Variants in KIF20B observed in about 807,000 individuals in gnomAD.
The protein encoded by KIF20B is kinesin family member 20B, also known as kinesin-like protein KIF20B.
In KIF20B, 188 loss-of-function variants were observed where a neutral mutation model predicts 232.5. The observed-to-expected ratio is 0.81, with a 90% CI of 0.72 to 0.91. KIF20B has a LOEUF of 0.91. Ranked by LOEUF, KIF20B falls within the 40% of genes least tolerant of loss-of-function variation. KIF20B has a pLI of 0.00. For missense variants in KIF20B, 2,154 were observed against 2,055.9 expected (o/e 1.05, Z -0.92); for synonymous variants, 712 against 683.0 (o/e 1.04, Z -0.66).
chr10:89,715,806 C>A (rs1323973234), intron 8 of KIF20B, among the ~76,000 whole-genome samples: 2 of 151,910 alleles, frequency 1.3e-5, no homozygotes, highest in Non-Finnish European at 2.9e-5. Flanking sequence ...GCTTGGTCAA[C>A]ATGGCAAAAC....
chr10:89,703,222 C>G (rs75648291), intron 1 of KIF20B, among the ~76,000 whole-genome samples: 32 of 152,102 alleles, frequency 2.1e-4, no homozygotes, highest in African/African-American at 7.0e-4. Context: ...GATGCTCCCC[C>G]CTCTGCACCC....
intron 28 of KIF20B, 147 bp from the exon 29 acceptor site, chr10:89,762,491 T>C: frequency 3.3e-6 from 2 of 611,624 alleles, no homozygotes; most frequent in Admixed American, 3.0e-5. Context: ...AGATGATTGC[T>C]CAATCTTTCT....
intron 2 of KIF20B, among the ~76,000 whole-genome samples, chr10:89,708,565 ATT>A (rs5786881): frequency 6.7e-6 from 1 of 149,214 alleles, no homozygotes. Flanking sequence ...TAGGGCCTGA[ATT>A]TTTTTTTTTG....
At chr10:89,726,678 G>A (rs867159850) in intron 16 of KIF20B, among the ~76,000 whole-genome samples, 157 bp downstream of exon 16, 6 of 152,082 alleles carry the variant, frequency 3.9e-5, no homozygotes, top group African/African-American at 1.4e-4. Context: ...GTATGACTTT[G>A]TAGTAATTTA....
rs568458292 is a variant in KIF20B at position 89,771,682 on chromosome 10, C to G, written c.5243-1007C>G. Among the ~76,000 whole-genome samples the G allele has an allele frequency of 2.0e-5, 3 of 152,096 alleles. No individual in the cohort carries two copies. The South Asian group carries it at 6.2e-4, about 32-fold the overall frequency. On this transcript the variant is annotated intron_variant, in intron 31 of 32. Coordinates refer to ENST00000371728, the MANE Select transcript of KIF20B (RefSeq NM_001284259.2). ...GAGGGGGAACCTTGAAGACGCTTTT[C>G]TCCACTGTAACTCGGTACTTTTCCA...
intron 22 of KIF20B, among the ~76,000 whole-genome samples, chr10:89,745,318 A>G (rs1169378464): frequency 6.6e-6 from 1 of 152,106 alleles, no homozygotes; most frequent in Non-Finnish European, 1.5e-5. Context: ...AGGTCAGGAG[A>G]TCGAGACTAG....
At chr10:89,709,597 C>T in intron 4 of KIF20B, 136 bp downstream of exon 4, 1 of 592,372 alleles carries the variant, frequency 1.7e-6, no homozygotes. Flanking sequence ...AGACTCAAAT[C>T]TCAGGTCTGG....
At chr10:89,756,291 C>A (rs914758596) in intron 26 of KIF20B, among the ~76,000 whole-genome samples, 1 of 152,130 alleles carries the variant, frequency 6.6e-6, no homozygotes, top group Non-Finnish European at 1.5e-5. Flanking sequence ...TTCCTGTATA[C>A]CTATCACCCA....
At chr10:89,743,987 C>T (rs1340847522) in intron 22 of KIF20B, 60 bp downstream of exon 22, 5 of 1,374,902 alleles carry the variant, frequency 3.6e-6, no homozygotes, top group South Asian at 1.5e-5. Flanking sequence ...TTTTAGTGTA[C>T]AAAAAGGTAC....
chr10:89,763,818 ATAACTATTATT>A (rs1024635383), intron 29 of KIF20B, among the ~76,000 whole-genome samples: 4 of 149,750 alleles, frequency 2.7e-5, no homozygotes, highest in Non-Finnish European at 4.4e-5. Context: ...ATTTATTAAT[ATAACTATTATT>A]ACTATTTATT....
At position 89,709,184 on chromosome 10, in the gene KIF20B, T is replaced by G; in HGVS notation, c.165T>G (p.Ser55=). Residue 55 remains serine, a synonymous_variant, in exon 3 of 33, where the codon TCT becomes TCG. Coordinates refer to ENST00000371728, the MANE Select transcript of KIF20B (RefSeq NM_001284259.2). ...APNTEANSFE[S]KDYLQVCLRI... is the part of the protein sequence containing the mutation. ...TTTTTAAGGCAAACAGTTTCGAATC[T>G]AAAGATTATCTCCAGGTTTGTCTTC... 6.2e-7 allele frequency: 1 copy of G among 1,607,300 alleles called. No individual in the cohort carries two copies. Among genetic ancestry groups the G allele is most frequent in the Non-Finnish European group, 8.5e-7 (1 of 1,175,548 alleles).
intron 23 of KIF20B, 151 bp from the exon 24 acceptor site, chr10:89,751,195 G>A (rs1842014850): frequency 3.5e-6 from 2 of 566,072 alleles, no homozygotes; most frequent in Non-Finnish European, 6.2e-6. Flanking sequence ...AGACATTGAG[G>A]ATATTGCGAT....
At chr10:89,706,482 G>A (rs774850540) in intron 2 of KIF20B, among the ~76,000 whole-genome samples, 14 of 151,580 alleles carry the variant, frequency 9.2e-5, no homozygotes, top group African/African-American at 3.1e-4. Context: ...AGAAACTTTC[G>A]CCTTCCCCAA....
chr10:89,737,819 G>A lies in KIF20B; in HGVS notation c.2978G>A (p.Arg993His), dbSNP rs771883789. ...ATGCACACGAAAATAGACGAACTAC[G>A]TACTCTTGATTCAGTTTCTCAGATT... ...KLMHTKIDEL[R>H]TLDSVSQISN... Residue 993 changes from arginine to histidine, a missense_variant, in exon 20 of 33, where the codon CGT (arginine) becomes CAT (histidine). By Grantham distance (29) the Arg-to-His change is conservative. Transcript: ENST00000371728. 143 of 1,613,268 alleles carry A rather than the reference G, an allele frequency of 8.9e-5. No individual in the cohort carries two copies. The highest frequency in any genetic ancestry group is 1.7e-4 in the Middle Eastern group (1 of 6,054).
chr10:89,742,807 C>A (rs1294774743), intron 21 of KIF20B, among the ~76,000 whole-genome samples: 1 of 148,054 alleles, frequency 6.8e-6, no homozygotes, highest in Non-Finnish European at 1.5e-5. Flanking sequence ...TCAAGCAATT[C>A]TTCTGCCTCA....
At chr10:89,734,270 G>T (rs1329626725) in intron 19 of KIF20B, among the ~76,000 whole-genome samples, 1 of 152,108 alleles carries the variant, frequency 6.6e-6, no homozygotes, top group Non-Finnish European at 1.5e-5. Context: ...AATTAGCCTG[G>T]TGTGGTGGTG....
In KIF20B at chr10:89,737,639, T is replaced by G. The variant is rs778717324; in HGVS notation, c.2798T>G (p.Val933Gly). ...EKKNLTLSKEVQQIQSNYDIA... is the reference protein window; with the variant it reads ...EKKNLTLSKEGQQIQSNYDIA... The stretch of plus-strand genomic sequence containing the variant: ...AAGAATTTAACTTTAAGTAAAGAGG[T>G]CCAACAAATTCAGTCAAATTATGAT... The change falls in exon 20 of 33, where the codon GTC (valine) becomes GGC (glycine). Residue 933 changes from valine (V) to glycine (G), a missense_variant. By Grantham distance (109) the Val-to-Gly change is moderately radical. Coordinates refer to ENST00000371728, the MANE Select transcript of KIF20B (RefSeq NM_001284259.2). 1 of 1,610,370 alleles carries G rather than the reference T, an allele frequency of 6.2e-7. No homozygotes were observed. The highest frequency in any genetic ancestry group is 8.5e-7 in the Non-Finnish European group (1 of 1,177,634).
chr10:89,774,056 A>G lies in KIF20B; in HGVS notation c.*8A>G. ...ACAAAAACAGCCAAATAAATCACTT[A>G]TGGAAATGTTTAATATAAATTTTAT... On this transcript the variant is annotated 3_prime_UTR_variant, in exon 33 of 33. Coordinates refer to ENST00000371728, the MANE Select transcript of KIF20B (RefSeq NM_001284259.2). 1 of 1,547,458 alleles carries G rather than the reference A, an allele frequency of 6.5e-7. No individual in the cohort carries two copies. The highest frequency in any genetic ancestry group is 8.8e-7 in the Non-Finnish European group (1 of 1,134,368).
intron 19 of KIF20B, 73 bp downstream of exon 19, chr10:89,733,129 C>G: frequency 1.4e-6 from 2 of 1,462,596 alleles, no homozygotes; most frequent in Non-Finnish European, 1.9e-6. Flanking sequence ...ACAAGGCAAA[C>G]AGAGGGGCAT....
Sources: gnomAD v4.1 joint callset for allele counts (sites outside exome capture counted in the v4.1 genomes callset) on GRCh38, gnomAD v4.1.1 for gene constraint, MANE v1.5 for transcripts, NCBI Gene and HGNC (gene_info 2026-07-23, HGNC 2026-07-21) for gene names.